The following TMX1 variants were observed in gnomAD, a reference collection of about 807,000 sequenced individuals.
TMX1 encodes thioredoxin-related transmembrane protein 1.
A neutral mutation model predicts 36.6 loss-of-function variants in TMX1; 25 were observed. The observed-to-expected ratio is 0.68, with a 90% confidence interval of 0.50 to 0.95. The LOEUF (loss-of-function observed/expected upper bound fraction) is 0.95, where lower values mean the gene tolerates loss of function less well. Ranked by LOEUF, TMX1 falls within the 40% of genes least tolerant of loss-of-function variation. The pLI is 0.00. For synonymous variants in TMX1, 133 were observed against 118.0 expected (o/e 1.13, Z -0.82); for missense variants, 347 against 339.6 (o/e 1.02, Z -0.17).
rs2065832180 is a variant in TMX1 at position 51,254,985 on chromosome 14, C to A, written c.*466C>A. 6.6e-6 allele frequency: 1 copy of A among 152,352 alleles called. No homozygotes were observed. The highest frequency in any genetic ancestry group is 1.5e-5 in the Non-Finnish European group (1 of 67,988). The allele number at this position is 152,352 out of a possible 1,614,324, so 9.4% of individuals were successfully genotyped here. On this transcript the variant is annotated 3_prime_UTR_variant, in exon 8 of 8. Transcript: ENST00000457354. ...TCTCAAGAAATGTGTATTTCAGTGA[C>A]AATTTCGTGGTCTTTTTAGAGGTAT...
In TMX1 at chr14:51,256,641, G is replaced by A. The variant is rs1488210419; in HGVS notation, c.*2122G>A. ...AGGAAAATACAGTATTCTACCTTACGTTGTGTAAATACTTAATGATTATCA... is the reference window on the plus strand; with the variant it reads ...AGGAAAATACAGTATTCTACCTTACATTGTGTAAATACTTAATGATTATCA... On this transcript the variant is annotated 3_prime_UTR_variant, in exon 8 of 8. Coordinates refer to ENST00000457354, the MANE Select transcript of TMX1 (RefSeq NM_030755.5). The A allele has an allele frequency of 6.6e-6, 1 of 152,140 alleles. No homozygotes were observed. The highest frequency in any genetic ancestry group is 1.9e-4 in the East Asian group (1 of 5,190). The allele number at this position is 152,140 out of a possible 1,614,324, so 9.4% of individuals were successfully genotyped here.
intron 2 of TMX1, among the ~76,000 whole-genome samples, chr14:51,244,616 C>T (rs953011916): frequency 6.6e-6 from 1 of 152,132 alleles, no homozygotes; most frequent in African/African-American, 2.4e-5. Flanking sequence ...TCTCATCTTA[C>T]CGTTCTCGGT....
intron 7 of TMX1, among the ~76,000 whole-genome samples, chr14:51,250,932 G>A (rs1252252367): frequency 6.6e-6 from 1 of 152,056 alleles, no homozygotes; most frequent in Non-Finnish European, 1.5e-5. Flanking sequence ...ATACTAAAAA[G>A]GACATGCATA....
intron 4 of TMX1, among the ~76,000 whole-genome samples, chr14:51,247,818 G>C (rs1266090548): frequency 6.6e-6 from 1 of 152,164 alleles, no homozygotes; most frequent in Non-Finnish European, 1.5e-5. Context: ...ATGCCCCTAA[G>C]AGTCTTCACA....
chr14:51,241,338 C>T (rs542537376), intron 1 of TMX1, among the ~76,000 whole-genome samples: 1 of 152,254 alleles, frequency 6.6e-6, no homozygotes, highest in South Asian at 2.1e-4. Context: ...GCAGTATTTA[C>T]TGATAATAGT....
chr14:51,241,057 T>G (rs2065758564), intron 1 of TMX1, among the ~76,000 whole-genome samples: 1 of 152,212 alleles, frequency 6.6e-6, no homozygotes, highest in Non-Finnish European at 1.5e-5. Flanking sequence ...TTTTCACTCC[T>G]CATCTCATTT....
At chr14:51,248,001 C>T (rs2065794619) in intron 4 of TMX1, among the ~76,000 whole-genome samples, 1 of 152,214 alleles carries the variant, frequency 6.6e-6, no homozygotes, top group Non-Finnish European at 1.5e-5. Flanking sequence ...CTCTTGATGT[C>T]AAGCGACTGA....
intron 1 of TMX1, among the ~76,000 whole-genome samples, chr14:51,242,768 C>A (rs1276844824): frequency 2.6e-5 from 4 of 151,930 alleles, no homozygotes; most frequent in Admixed American, 1.3e-4. Flanking sequence ...CAAAGCGAGA[C>A]CCTGTTTCAA....
intron 2 of TMX1, among the ~76,000 whole-genome samples, chr14:51,244,659 A>AT (rs1269436435): frequency 1.3e-5 from 2 of 152,238 alleles, no homozygotes; most frequent in South Asian, 4.1e-4. Flanking sequence ...TGGCTGTCCC[A>AT]TCCCAAATGG....
chr14:51,248,823 A>G (rs551609429), intron 4 of TMX1, among the ~76,000 whole-genome samples: 1 of 152,360 alleles, frequency 6.6e-6, no homozygotes, highest in African/African-American at 2.4e-5. Context: ...AATTTTGTAT[A>G]TCATTAAAAG....
chr14:51,246,529 T>C (rs2065786602), intron 3 of TMX1, among the ~76,000 whole-genome samples: 1 of 152,136 alleles, frequency 6.6e-6, no homozygotes, highest in Non-Finnish European at 1.5e-5. Context: ...GACAGAACTT[T>C]CTACATTGGG....
intron 1 of TMX1, among the ~76,000 whole-genome samples, chr14:51,241,153 G>A (rs896942960): frequency 1.3e-5 from 2 of 152,064 alleles, no homozygotes; most frequent in Non-Finnish European, 2.9e-5. Flanking sequence ...AAAAGATAAT[G>A]TATTAATGTA....
intron 3 of TMX1, 22 bp from the exon 4 acceptor site, chr14:51,247,070 A>G (rs1260379636): frequency 6.3e-7 from 1 of 1,594,748 alleles, no homozygotes; most frequent in African/African-American, 1.4e-5. Flanking sequence ...GCTGGATAAT[A>G]TTTAATTCTG....
At chr14:51,252,404 G>A (rs927633399) in intron 7 of TMX1, among the ~76,000 whole-genome samples, 1 of 151,480 alleles carries the variant, frequency 6.6e-6, no homozygotes, top group Non-Finnish European at 1.5e-5. Flanking sequence ...ATCTGATTGG[G>A]CATCCCAACT....
At chr14:51,240,781 G>A (rs532039180) in intron 1 of TMX1, among the ~76,000 whole-genome samples, 2 of 152,284 alleles carry the variant, frequency 1.3e-5, no homozygotes, top group Admixed American at 1.3e-4. Context: ...TGTCCGACTC[G>A]TGTCTAAGTA....
intron 2 of TMX1, 40 bp from the exon 3 acceptor site, chr14:51,245,273 T>C (rs1172780032): frequency 1.9e-6 from 3 of 1,612,106 alleles, no homozygotes; most frequent in African/African-American, 1.3e-5. Flanking sequence ...TAGTCAGTGA[T>C]TGGCCTATGT....
chr14:51,241,364 AAC>A (rs1327517239), intron 1 of TMX1, among the ~76,000 whole-genome samples: 1 of 152,244 alleles, frequency 6.6e-6, no homozygotes, highest in Non-Finnish European at 1.5e-5. Context: ...CATAATTATT[AAC>A]AGTGTACTGG....
chr14:51,245,501 T>C (rs1596405067), intron 3 of TMX1, 143 bp downstream of exon 3: 1 of 1,533,462 alleles, frequency 6.5e-7, no homozygotes, highest in Non-Finnish European at 8.8e-7. Context: ...TTGTTTTGCT[T>C]AGTGTTATCC....
chr14:51,254,153 A>G, intron 7 of TMX1, 188 bp from the exon 8 acceptor site: 1 of 445,772 alleles, frequency 2.2e-6, no homozygotes, highest in Non-Finnish European at 3.8e-6. Flanking sequence ...AATGGCTCAA[A>G]CAATTTTTAT....
Sources: gnomAD v4.1 joint callset for allele counts (sites outside exome capture counted in the v4.1 genomes callset) on GRCh38, gnomAD v4.1.1 for gene constraint, MANE v1.5 for transcripts, NCBI Gene and HGNC (gene_info 2026-07-23, HGNC 2026-07-21) for gene names.